Variants in RFX3 observed in about 807,000 individuals in gnomAD.
RFX3 encodes regulatory factor X3.
A neutral mutation model predicts 98.6 loss-of-function variants in RFX3; 14 were observed. The ratio of observed to expected loss-of-function variants is 0.14; its 90% confidence interval spans 0.09 to 0.22. RFX3 has a LOEUF of 0.22. Ranked by LOEUF, RFX3 falls within the 10% of genes least tolerant of loss-of-function variation. RFX3 has a pLI of 1.00. For synonymous variants in RFX3, 383 were observed against 328.4 expected (o/e 1.17, Z -1.80); for missense variants, 639 against 926.9 (o/e 0.69, Z 4.03).
At chr9:3,491,946 A>C (rs1850753133) in intron 1 of RFX3, among the ~76,000 whole-genome samples, 1 of 152,214 alleles carries the variant, frequency 6.6e-6, no homozygotes, top group African/African-American at 2.4e-5. Flanking sequence ...AATCGATGCT[A>C]TCTACCTACA....
chr9:3,232,181 G>A (rs2130717400), intron 15 of RFX3, among the ~76,000 whole-genome samples: 1 of 152,276 alleles, frequency 6.6e-6, no homozygotes, highest in East Asian at 1.9e-4. Context: ...ATCACAAATT[G>A]GGAAAACTTA....
intron 1 of RFX3, among the ~76,000 whole-genome samples, chr9:3,508,517 A>C (rs761344188): frequency 5.3e-5 from 8 of 151,952 alleles, no homozygotes; most frequent in Non-Finnish European, 7.4e-5. Flanking sequence ...AGCGGCATTA[A>C]ATTTTAAAAA....
At chr9:3,280,283 T>G (rs3012683) in intron 7 of RFX3, among the ~76,000 whole-genome samples, 2,393 of 151,944 alleles carry the variant, frequency 0.016, 58 homozygotes, top group African/African-American at 0.054. Flanking sequence ...TAATATGGAA[T>G]ACAGCTCATG....
chr9:3,237,095 C>G (rs1038491402), intron 15 of RFX3, among the ~76,000 whole-genome samples: 3 of 152,172 alleles, frequency 2.0e-5, no homozygotes, highest in African/African-American at 7.2e-5. Flanking sequence ...ACTTACAAAA[C>G]CTTTCATTCA....
At chr9:3,492,248 G>A (rs1219261006) in intron 1 of RFX3, among the ~76,000 whole-genome samples, 2 of 152,160 alleles carry the variant, frequency 1.3e-5, no homozygotes, top group African/African-American at 2.4e-5. Flanking sequence ...GAAACCCAGT[G>A]ATCTTTCATC....
chr9:3,476,580 A>G lies in RFX3; in HGVS notation c.-9+49167T>C, dbSNP rs1364767067. 2.6e-5 allele frequency among the ~76,000 whole-genome samples: 4 copies of G among 152,198 alleles called. No homozygotes were observed. The East Asian group carries it at 7.7e-4, about 29-fold the overall frequency. On this transcript the variant is annotated intron_variant, in intron 1 of 16. Coordinates refer to ENST00000617270, the MANE Select transcript of RFX3 (RefSeq NM_001282116.2). Reference sequence around the variant, plus strand: ...AAACAGCACCTTATCTCTGCCTTATAAGGTAGTGATGCATTCATGTTGTAT... The same window carrying G: ...AAACAGCACCTTATCTCTGCCTTATGAGGTAGTGATGCATTCATGTTGTAT...
intron 1 of RFX3, among the ~76,000 whole-genome samples, chr9:3,443,767 T>C (rs1369745755): frequency 2.0e-5 from 3 of 152,220 alleles, no homozygotes; most frequent in Admixed American, 1.3e-4. Context: ...TCTAAGTCTT[T>C]GAGGAATTGC....
chr9:3,229,674 G>A (rs1341402565), intron 15 of RFX3, among the ~76,000 whole-genome samples: 1 of 152,146 alleles, frequency 6.6e-6, no homozygotes, highest in Non-Finnish European at 1.5e-5. Context: ...AAAAGGTGAA[G>A]AGAAACTGCA....
chr9:3,343,723 T>C (rs1378715336), intron 3 of RFX3, among the ~76,000 whole-genome samples: 2 of 152,180 alleles, frequency 1.3e-5, no homozygotes, highest in African/African-American at 4.8e-5. Context: ...AAATTATCCT[T>C]GATAGTAATG....
intron 15 of RFX3, among the ~76,000 whole-genome samples, chr9:3,237,884 C>T (rs1335136440): frequency 6.6e-6 from 1 of 151,930 alleles, no homozygotes; most frequent in Admixed American, 6.6e-5. Flanking sequence ...TACCACTATC[C>T]CACGCCTGAG....
chr9:3,410,161 CTGTG>C (rs555349379), intron 1 of RFX3, among the ~76,000 whole-genome samples: 3,593 of 114,064 alleles, frequency 0.031, 140 homozygotes, highest in African/African-American at 0.096. Flanking sequence ...GTGAGATAAA[CTGTG>C]TGTGTGTGTG....
intron 1 of RFX3, among the ~76,000 whole-genome samples, chr9:3,431,872 G>C (rs575537155): frequency 6.6e-6 from 1 of 152,282 alleles, no homozygotes; most frequent in Non-Finnish European, 1.5e-5. Flanking sequence ...GCAGAAGAAA[G>C]TGCTCTATTC....
chr9:3,503,972 C>A (rs1002695633), intron 1 of RFX3, among the ~76,000 whole-genome samples: 1 of 151,300 alleles, frequency 6.6e-6, no homozygotes, highest in African/African-American at 2.4e-5. Flanking sequence ...ACTTCATGTG[C>A]ACACGCTGTT....
In RFX3 at chr9:3,248,205, A is replaced by G; in HGVS notation, c.1815-20T>C. ...ATTGAGCTGTTCCAAGAGAAAAGAC[A>G]AATATGCAGCTAACATTAGTGACAA... On this transcript the variant is annotated intron_variant, in intron 14 of 16. Coordinates refer to ENST00000617270, the MANE Select transcript of RFX3 (RefSeq NM_001282116.2). 3 of 1,577,642 alleles carry G rather than the reference A, an allele frequency of 1.9e-6. No individual in the cohort carries two copies. Among genetic ancestry groups the G allele is most frequent in the Non-Finnish European group, 2.6e-6 (3 of 1,162,166 alleles).
chr9:3,244,462 A>G (rs474845), intron 15 of RFX3, among the ~76,000 whole-genome samples: 115,906 of 152,048 alleles, frequency 0.76, 46,065 homozygotes, highest in East Asian at 0.87. Flanking sequence ...TTTTATCCTA[A>G]TTCAATTTTT....
chr9:3,298,871 T>C (rs970512643), intron 5 of RFX3, among the ~76,000 whole-genome samples: 5 of 151,698 alleles, frequency 3.3e-5, no homozygotes, highest in African/African-American at 1.2e-4. Context: ...TATTCCAAAA[T>C]AGAATGAGAA....
At position 3,406,588 on chromosome 9, in the gene RFX3, A is replaced by G. The variant is rs201023859; in HGVS notation, c.-8-10992T>C. Among the ~76,000 whole-genome samples, 555 of 152,244 alleles carry G rather than the reference A, an allele frequency of 3.6e-3. 3 individuals carry two copies. Among genetic ancestry groups the G allele is most frequent in the Non-Finnish European group, 6.2e-3 (425 of 68,030 alleles). On this transcript the variant is annotated intron_variant, in intron 1 of 16. Coordinates refer to ENST00000617270, the MANE Select transcript of RFX3 (RefSeq NM_001282116.2). ...CTTACATATGTAGCCACAGTGCCCAATATATACACAGAATCTTTGATTTGT... is the reference window on the plus strand; with the variant it reads ...CTTACATATGTAGCCACAGTGCCCAGTATATACACAGAATCTTTGATTTGT...
At chr9:3,505,108 TTA>T (rs1479309325) in intron 1 of RFX3, among the ~76,000 whole-genome samples, 1 of 98,128 alleles carries the variant, frequency 1.0e-5, no homozygotes, top group Non-Finnish European at 1.8e-5. Flanking sequence ...TAGATTTATT[TTA>T]TATTTTATTT....
intron 4 of RFX3, among the ~76,000 whole-genome samples, chr9:3,312,265 C>A (rs140146354): frequency 6.6e-4 from 100 of 152,212 alleles, no homozygotes; most frequent in African/African-American, 2.3e-3. Flanking sequence ...TATTGGGCCA[C>A]AATGTAAAGG....
Sources: gnomAD v4.1 joint callset for allele counts (sites outside exome capture counted in the v4.1 genomes callset) on GRCh38, gnomAD v4.1.1 for gene constraint, MANE v1.5 for transcripts, NCBI Gene and HGNC (gene_info 2026-07-23, HGNC 2026-07-21) for gene names.